Variants in CCDC187 observed in about 807,000 individuals in gnomAD.
The protein encoded by CCDC187 is coiled-coil domain containing 187, also known as coiled-coil domain-containing protein 187.
Under a neutral mutation model 38.0 loss-of-function variants are expected in CCDC187, and 32 were observed. The ratio of observed to expected loss-of-function variants is 0.84; its 90% CI spans 0.64 to 1.13. CCDC187 has a LOEUF of 1.13. CCDC187 is among the 50% of genes most tolerant of loss of function. The pLI is 0.00. For missense variants in CCDC187, 707 were observed against 786.8 expected (o/e 0.90, Z 1.21); for synonymous variants, 333 against 347.9 (o/e 0.96, Z 0.48).
At chr9:136,296,034 T>C (rs1038831866) in intron 4 of CCDC187, 115,860 of 152,202 alleles carry the variant, frequency 0.76, 44,196 homozygotes, top group East Asian at 0.86. Flanking sequence ...GCGTGTCCTC[T>C]CTGGGTATGG....
In CCDC187 at chr9:136,300,216, T is replaced by C. The variant is rs1831643251; in HGVS notation, c.724+4A>G. 1 of 398,650 alleles carries C rather than the reference T, an allele frequency of 2.5e-6. No individual in the cohort carries two copies. The highest frequency in any genetic ancestry group is 4.4e-6 in the Non-Finnish European group (1 of 226,106). 24.7% of individuals were successfully genotyped at this position (398,650 alleles called of 1,614,324 possible). On this transcript the variant is annotated splice_donor_region_variant and intron_variant, in intron 3 of 25. Coordinates refer to ENST00000638797, the MANE Select transcript of CCDC187 (RefSeq NM_001378188.1). ...ACCAGGGCAGCCGCCGCAGAGCCGC[T>C]CACCAGGAACCTGGTGCTGGGAGAC... is the stretch of plus-strand genomic sequence containing the variant.
chr9:136,293,458 C>CA (rs1588671631), intron 4 of CCDC187, among the ~76,000 whole-genome samples: 3 of 55,060 alleles, frequency 5.4e-5, no homozygotes, highest in Admixed American at 2.0e-4. Context: ...CATGCTCACA[C>CA]TCACACTCAC....
rs1008445026 is a variant in CCDC187 at position 136,284,651 on chromosome 9, G to A, written c.2927+862C>T. Reference sequence around the variant, plus strand: ...CCAGGAGGCCCTGGACAGGGATCCCGGCCCACACCAGCAAGAGCGAGAGGC... The same window carrying A: ...CCAGGAGGCCCTGGACAGGGATCCCAGCCCACACCAGCAAGAGCGAGAGGC... On this transcript the variant is annotated intron_variant, in intron 9 of 25. Coordinates refer to ENST00000638797, the MANE Select transcript of CCDC187 (RefSeq NM_001378188.1). 3.9e-5 allele frequency among the ~76,000 whole-genome samples: 6 copies of A among 152,058 alleles called. No individual in the cohort carries two copies. In the South Asian group the frequency reaches 6.2e-4, roughly 16 times the overall value.
chr9:136,281,366 G>A (rs1831036335), intron 10 of CCDC187, 185 bp downstream of exon 10: 3 of 398,404 alleles, frequency 7.5e-6, no homozygotes, highest in Admixed American at 4.4e-5. Flanking sequence ...TGAGCACAGA[G>A]CACGCAGAGG....
At chr9:136,287,331 A>G (rs1005698211) in intron 7 of CCDC187, among the ~76,000 whole-genome samples, 6 of 152,198 alleles carry the variant, frequency 3.9e-5, no homozygotes, top group African/African-American at 1.4e-4. Context: ...GCCGGTCTTA[A>G]CATGTGAGAA....
intron 12 of CCDC187, among the ~76,000 whole-genome samples, 168 bp downstream of exon 12, chr9:136,276,026 G>A (rs1465150750): frequency 6.6e-6 from 1 of 152,158 alleles, no homozygotes; most frequent in Admixed American, 6.5e-5. Context: ...TCCTGTTTCT[G>A]CATAGAGACT....
chr9:136,253,817 G>A lies in CCDC187; in HGVS notation c.6011C>T (p.Ser2004Phe), dbSNP rs1347901251. ...LLSYGSADLP[S>F]SIHREAPLPP... Reference sequence around the variant, plus strand: ...TAGGGGGGCCTCCCTGTGGATGGAGGACGGGAGGTCGGCACTGCCGTAGGA... The same window carrying A: ...TAGGGGGGCCTCCCTGTGGATGGAGAACGGGAGGTCGGCACTGCCGTAGGA... Residue 2004 changes from serine to phenylalanine, a missense_variant, in exon 26 of 26, where the codon TCC (serine) becomes TTC (phenylalanine). By Grantham distance (155) the Ser-to-Phe change is radical. Coordinates refer to ENST00000638797, the MANE Select transcript of CCDC187 (RefSeq NM_001378188.1). 1.0e-6 allele frequency: 1 copy of A among 985,544 alleles called. No homozygotes were observed. The highest frequency in any genetic ancestry group is 1.2e-6 in the Non-Finnish European group (1 of 829,994). The allele number at this position is 985,544 out of a possible 1,614,324, so 61.0% of individuals were successfully genotyped here. A position where few individuals can be genotyped will look rare whatever the true frequency, so the allele number is the denominator to read the frequency against.
At position 136,256,204 on chromosome 9, in the gene CCDC187, CCCA is replaced by C. The variant is rs1830610643; in HGVS notation, c.4616+4_4616+6del. ...CCACCCCTGCTCCAGGGAGCTCAGC[CCCA>C]CACCTCTGCTCCCCCGATCGCCAGC... On this transcript the variant is annotated splice_donor_5th_base_variant and intron_variant, in intron 24 of 25. Transcript: ENST00000638797. 1.0e-6 allele frequency: 1 copy of C among 984,976 alleles called. No individual in the cohort carries two copies. The highest frequency in any genetic ancestry group is 1.7e-5 in the African/African-American group (1 of 57,202). The allele number at this position is 984,976 out of a possible 1,614,324, so 61.0% of individuals were successfully genotyped here.
intron 15 of CCDC187, 133 bp downstream of exon 15, chr9:136,267,916 G>C (rs782816845): frequency 1.0e-6 from 1 of 985,430 alleles, no homozygotes; most frequent in African/African-American, 1.7e-5. Flanking sequence ...TGACGCGATC[G>C]CCGGAAGAAC....
chr9:136,263,952 G>A (rs62579912), intron 17 of CCDC187, 154 bp from the exon 18 acceptor site: 52,524 of 406,012 alleles, frequency 0.13, 3,687 homozygotes, highest in Admixed American at 0.21. Context: ...CCCTCCTGCC[G>A]GGCCTAGGAT....
chr9:136,293,443 TCACACATGCTCACACTCA>T (rs1831422103), intron 4 of CCDC187, among the ~76,000 whole-genome samples: 1 of 32,906 alleles, frequency 3.0e-5, no homozygotes, highest in Non-Finnish European at 6.1e-5. Context: ...GCTCACACAC[TCACACATGCTCACACTCA>T]CACTCACATG....
rs1245535588 is a variant in CCDC187 at position 136,286,408 on chromosome 9, C to T, written c.2510G>A (p.Arg837Gln). 1.3e-5 allele frequency: 5 copies of T among 398,666 alleles called. No individual in the cohort carries two copies. Among genetic ancestry groups the T allele is most frequent in the Non-Finnish European group, 1.8e-5 (4 of 226,082 alleles). The allele number at this position is 398,666 out of a possible 1,614,324, so 24.7% of individuals were successfully genotyped here. A position where few individuals can be genotyped will look rare whatever the true frequency, so the allele number is the denominator to read the frequency against. Residue 837 changes from arginine to glutamine, a missense_variant, in exon 8 of 26, where the codon CGG becomes CAG. By Grantham distance (43) the Arg-to-Gln change is conservative. Transcript: ENST00000638797. ...CAGCTTGGCGGTGAGGCTATCGACCCGCTGCTTGAGGACTTTGGCTGTGGT... is the reference window on the plus strand; with the variant it reads ...CAGCTTGGCGGTGAGGCTATCGACCTGCTGCTTGAGGACTTTGGCTGTGGT... Reference protein sequence around the residue: ...LETTAKVLKQRVDSLTAKLQG... With the variant: ...LETTAKVLKQQVDSLTAKLQG...
chr9:136,288,621 G>A lies in CCDC187; in HGVS notation c.2222+1338C>T, dbSNP rs968206716. ...CTGGGGCCTTCCACAGCCCTTCCTGGGCGAGAGCCAGGCTGGAAACTGTAG... is the reference window on the plus strand; with the variant it reads ...CTGGGGCCTTCCACAGCCCTTCCTGAGCGAGAGCCAGGCTGGAAACTGTAG... On this transcript the variant is annotated intron_variant, in intron 7 of 25. Transcript: ENST00000638797. Among the ~76,000 whole-genome samples, 354 of 152,306 alleles carry A rather than the reference G, an allele frequency of 2.3e-3. 1 individual carries two copies. The highest frequency in any genetic ancestry group is 7.9e-3 in the African/African-American group (330 of 41,566).
chr9:136,283,225 G>A (rs1166961964), intron 9 of CCDC187, among the ~76,000 whole-genome samples: 5 of 152,194 alleles, frequency 3.3e-5, no homozygotes, highest in South Asian at 2.1e-4. Flanking sequence ...CTCCAGCCTC[G>A]GCGACAGAGC....
rs1347700609 is a variant in CCDC187, at chr9:136,254,699, C to T, written c.5129G>A (p.Arg1710His). Reference sequence around the variant, plus strand: ...GGAGCCACGCAGGGGGCCGGCCCTGCGGCCCTGGGGCCTCTGCCAGGTCAC... The same window carrying T: ...GGAGCCACGCAGGGGGCCGGCCCTGTGGCCCTGGGGCCTCTGCCAGGTCAC... ...GWVTWQRPQG[R>H]RAGPLRGSSL... Residue 1710 changes from arginine (R) to histidine (H), a missense_variant, in exon 26 of 26, where the codon CGC becomes CAC. By Grantham distance (29) the Arg-to-His change is conservative. Transcript: ENST00000638797. 2.0e-5 allele frequency: 20 copies of T among 985,266 alleles called. No individual in the cohort carries two copies. The highest frequency in any genetic ancestry group is 9.4e-5 in the South Asian group (2 of 21,292). 61.0% of individuals were successfully genotyped at this position (985,266 alleles called of 1,614,324 possible).
At chr9:136,286,762 G>A (rs1032290753) in intron 7 of CCDC187, 67 bp from the exon 8 acceptor site, 12 of 398,224 alleles carry the variant, frequency 3.0e-5, no homozygotes, top group East Asian at 1.4e-4. Context: ...CGGAAAGCAC[G>A]CGTGTTTTGC....
intron 3 of CCDC187, among the ~76,000 whole-genome samples, chr9:136,299,137 GT>G (rs1831608405): frequency 6.6e-6 from 1 of 152,196 alleles, no homozygotes; most frequent in Non-Finnish European, 1.5e-5. Context: ...GAGGAACAAA[GT>G]GGCGCTGACC....
chr9:136,275,773 G>A (rs997033390), intron 12 of CCDC187, among the ~76,000 whole-genome samples: 2 of 152,202 alleles, frequency 1.3e-5, no homozygotes, highest in Non-Finnish European at 2.9e-5. Flanking sequence ...GGTGCAGGAC[G>A]GCCCGGCAGA....
intron 14 of CCDC187, among the ~76,000 whole-genome samples, chr9:136,273,362 G>C (rs1242662182): frequency 1.3e-5 from 2 of 152,188 alleles, no homozygotes; most frequent in African/African-American, 4.8e-5. Flanking sequence ...AGGAGAGCCG[G>C]AGGGGCTGTA....
Sources: gnomAD v4.1 joint callset for allele counts (sites outside exome capture counted in the v4.1 genomes callset) on GRCh38, gnomAD v4.1.1 for gene constraint, MANE v1.5 for transcripts, NCBI Gene and HGNC (gene_info 2026-07-23, HGNC 2026-07-21) for gene names.